RGS6: variants seen among roughly 807,000 people sequenced by gnomAD.
RGS6 encodes regulator of G-protein signaling 6.
A neutral mutation model predicts 78.5 loss-of-function variants in RGS6; 30 were observed. The ratio of observed to expected loss-of-function variants is 0.38; its 90% CI spans 0.29 to 0.52. The LOEUF (loss-of-function observed/expected upper bound fraction) is 0.52. Ranked by LOEUF, RGS6 falls within the 20% of genes least tolerant of loss-of-function variation. The probability of loss-of-function intolerance (pLI) is 0.85; values close to 1 mark genes in which losing one functional copy is unlikely to be tolerated. For missense variants in RGS6, 495 were observed against 609.7 expected, an observed-to-expected ratio of 0.81 and a Z score of 1.98; for synonymous variants, 206 against 206.0, an observed-to-expected ratio of 1.00 and a Z score of 0.00.
intron 6 of RGS6, among the ~76,000 whole-genome samples, chr14:72,461,231 G>A (rs1384814131): frequency 2.0e-5 from 3 of 152,194 alleles, no homozygotes; most frequent in African/African-American, 7.2e-5. Flanking sequence ...CCTTGTGAAT[G>A]TGAAAACCAG....
chr14:72,067,587 ATATTCACACTGAGATAAAGAC>A (rs1375322348), intron 2 of RGS6, among the ~76,000 whole-genome samples: 5 of 152,196 alleles, frequency 3.3e-5, no homozygotes, highest in African/African-American at 1.2e-4. Flanking sequence ...GTGAAACTGA[ATATTCACACTGAGATAAAGAC>A]TATGAATAAC....
intron 2 of RGS6, among the ~76,000 whole-genome samples, chr14:72,059,477 C>T (rs897499594): frequency 6.6e-6 from 1 of 152,144 alleles, no homozygotes; most frequent in Non-Finnish European, 1.5e-5. Flanking sequence ...TGTGAGGTAT[C>T]CTGGCACTTC....
At chr14:72,097,322 A>C (rs1037375263) in intron 2 of RGS6, among the ~76,000 whole-genome samples, 1 of 152,176 alleles carries the variant, frequency 6.6e-6, no homozygotes, top group Non-Finnish European at 1.5e-5. Flanking sequence ...TCCATTCCAA[A>C]ATAAATAGAA....
intron 17 of RGS6, among the ~76,000 whole-genome samples, chr14:72,548,726 T>G (rs924046562): frequency 9.9e-5 from 15 of 152,202 alleles, no homozygotes; most frequent in African/African-American, 3.6e-4. Context: ...CCAGCAGACT[T>G]GATGGCCACC....
chr14:72,045,535 C>T (rs1204516620), intron 2 of RGS6, among the ~76,000 whole-genome samples: 1 of 152,072 alleles, frequency 6.6e-6, no homozygotes, highest in Non-Finnish European at 1.5e-5. Context: ...CATCTTGCAG[C>T]TCTTTTAGAC....
At chr14:72,518,282 G>A (rs2096980808) in intron 14 of RGS6, 69 bp from the exon 15 acceptor site, 5 of 1,476,224 alleles carry the variant, frequency 3.4e-6, no homozygotes, top group Non-Finnish European at 1.9e-6. Context: ...CATCAGCTCT[G>A]GGGCCATCTC....
chr14:72,602,276 A>G, the RGS6 span, among the ~76,000 whole-genome samples: 1 of 152,164 alleles, frequency 6.6e-6, no homozygotes, highest in African/African-American at 2.4e-5. Context: ...TCTAGGATCA[A>G]GTTTTTGTTG....
chr14:72,358,730 A>G (rs941721386), intron 3 of RGS6, among the ~76,000 whole-genome samples: 1 of 152,172 alleles, frequency 6.6e-6, no homozygotes, highest in Non-Finnish European at 1.5e-5. Flanking sequence ...TTAGTCTCAG[A>G]TGAGATTTTG....
chr14:71,872,666 T>C, the RGS6 span, among the ~76,000 whole-genome samples: 1 of 152,334 alleles, frequency 6.6e-6, no homozygotes, highest in South Asian at 2.1e-4. Context: ...TATTATACTT[T>C]AAGTTCTAGG....
intron 3 of RGS6, among the ~76,000 whole-genome samples, chr14:72,410,888 G>A (rs1180114684): frequency 7.9e-5 from 12 of 152,148 alleles, no homozygotes; most frequent in Non-Finnish European, 1.3e-4. Flanking sequence ...TAGATATGCA[G>A]CATTATTTCT....
intron 2 of RGS6, among the ~76,000 whole-genome samples, chr14:72,335,088 C>T (rs1233038355): frequency 7.1e-6 from 1 of 140,838 alleles, no homozygotes; most frequent in Non-Finnish European, 1.6e-5. Context: ...TGCACAAGCT[C>T]TCTCTTGCCT....
chr14:72,110,480 ACT>A (rs1158933950), intron 2 of RGS6, among the ~76,000 whole-genome samples: 1 of 152,096 alleles, frequency 6.6e-6, no homozygotes, highest in African/African-American at 2.4e-5. Flanking sequence ...TAAATGCTTG[ACT>A]CTCTCGGCAG....
chr14:72,450,206 A>G (rs2095458867), intron 3 of RGS6, among the ~76,000 whole-genome samples: 1 of 152,036 alleles, frequency 6.6e-6, no homozygotes, highest in African/African-American at 2.4e-5. Flanking sequence ...TAAATATTTT[A>G]CAGTAACCCT....
intron 2 of RGS6, among the ~76,000 whole-genome samples, chr14:72,147,474 C>T (rs868268963): frequency 3.9e-5 from 6 of 152,250 alleles, no homozygotes; most frequent in African/African-American, 4.8e-5. Context: ...AAAAGAGGGC[C>T]GAACTCACTT....
chr14:72,157,204 G>C (rs763947767), intron 2 of RGS6, among the ~76,000 whole-genome samples: 2 of 152,186 alleles, frequency 1.3e-5, no homozygotes, highest in Non-Finnish European at 2.9e-5. Flanking sequence ...GCCTCAGCAG[G>C]AAAGAAGATG....
At chr14:72,401,843 A>G (rs2092437878) in intron 3 of RGS6, among the ~76,000 whole-genome samples, 1 of 152,204 alleles carries the variant, frequency 6.6e-6, no homozygotes, top group Non-Finnish European at 1.5e-5. Flanking sequence ...CACCACAGCA[A>G]AAAGACTGTT....
At chr14:72,451,296 C>A (rs1451635119) in intron 3 of RGS6, among the ~76,000 whole-genome samples, 1 of 152,186 alleles carries the variant, frequency 6.6e-6, no homozygotes, top group Non-Finnish European at 1.5e-5. Context: ...CTGTGGTCTC[C>A]ATGGGGCTAG....
Position 72,472,940 on chromosome 14 carries a change from T to A in RGS6, c.605T>A (p.Val202Asp). The change falls in exon 9 of 18, where the codon GTC (valine) becomes GAC (aspartate). Residue 202 changes from valine to aspartate, a missense_variant. Val to Asp is a radical substitution (Grantham distance 152). Coordinates refer to ENST00000553525, the MANE Select transcript of RGS6 (RefSeq NM_001204424.2). Reference protein sequence around the residue: ...LDSQERAFWDVHRPVPGCVNT... With the variant: ...LDSQERAFWDDHRPVPGCVNT... ...AGTCAAGAACGAGCCTTTTGGGATG[T>A]CCACAGGCCTGTGGTGAGAAAGCGC... The A allele has an allele frequency of 6.2e-7, 1 of 1,610,860 alleles. No homozygotes were observed. The highest frequency in any genetic ancestry group is 1.7e-4 in the Middle Eastern group (1 of 6,056).
chr14:72,199,759 TAAGTGGTGGAAGGATG>T (rs2041054696), intron 2 of RGS6, among the ~76,000 whole-genome samples: 1 of 152,206 alleles, frequency 6.6e-6, no homozygotes, highest in Non-Finnish European at 1.5e-5. Context: ...GTACAGGGTC[TAAGTGGTGGAAGGATG>T]TGTCTTTCCT....
Sources: gnomAD v4.1 joint callset for allele counts (sites outside exome capture counted in the v4.1 genomes callset) on GRCh38, gnomAD v4.1.1 for gene constraint, MANE v1.5 for transcripts, NCBI Gene and HGNC (gene_info 2026-07-23, HGNC 2026-07-21) for gene names.